MUC7: variants seen among roughly 807,000 people sequenced by gnomAD.
The protein encoded by MUC7 is mucin-7.
Under a neutral mutation model 2.5 loss-of-function variants are expected in MUC7, and 2 were observed. The ratio of observed to expected loss-of-function variants is 0.81; its 90% CI spans 0.33 to 2.55. MUC7 has a LOEUF of 2.55. MUC7 is among the 30% of genes most tolerant of loss of function. The pLI is 0.11. For missense variants in MUC7, 408 were observed against 455.6 expected (o/e 0.90, Z 0.95); for synonymous variants, 133 against 173.4 (o/e 0.77, Z 1.83).
intron 1 of MUC7, among the ~76,000 whole-genome samples, chr4:70,449,745 C>A (rs1316480891): frequency 6.6e-6 from 1 of 152,196 alleles, no homozygotes; most frequent in Non-Finnish European, 1.5e-5. Context: ...TGATAGAATT[C>A]TCTGGATTAC....
At chr4:70,444,593 G>A (rs1216840344) in intron 1 of MUC7, among the ~76,000 whole-genome samples, 3 of 152,146 alleles carry the variant, frequency 2.0e-5, no homozygotes, top group Non-Finnish European at 4.4e-5. Flanking sequence ...AATTGATGAT[G>A]CATCTTTTTT....
At chr4:70,473,958 C>A in intron 1 of MUC7, 49 bp from the exon 2 acceptor site, 1 of 1,322,498 alleles carries the variant, frequency 7.6e-7, no homozygotes, top group Non-Finnish European at 1.1e-6. Context: ...ACGCATTCCT[C>A]TCCCATAATA....
chr4:70,471,771 T>A (rs2109737898), upstream of MUC7, among the ~76,000 whole-genome samples: 1 of 152,340 alleles, frequency 6.6e-6, no homozygotes, highest in Non-Finnish European at 1.5e-5. Flanking sequence ...CCACAGTATT[T>A]TTTTTAAATC....
intron 2 of MUC7, among the ~76,000 whole-genome samples, chr4:70,477,461 C>A (rs75730883): frequency 6.6e-6 from 1 of 152,094 alleles, no homozygotes; most frequent in Non-Finnish European, 1.5e-5. Flanking sequence ...CTAATTCTCT[C>A]CCTTTCTGAC....
upstream of MUC7, among the ~76,000 whole-genome samples, chr4:70,467,335 T>G (rs901542911): frequency 1.3e-5 from 2 of 151,812 alleles, no homozygotes; most frequent in African/African-American, 4.8e-5. Flanking sequence ...CACCCTAACA[T>G]CACAATTAAA....
chr4:70,481,333 G>A lies in MUC7; in HGVS notation c.589G>A (p.Ala197Thr), dbSNP rs144679944. Residue 197 changes from alanine (A) to threonine (T), a missense_variant, in exon 3 of 3, where the codon GCA (alanine) becomes ACA (threonine). By Grantham distance (58) the Ala-to-Thr change is moderately conservative. Around this residue, in one of 3 missense-constraint regions of MUC7, gnomAD observed 225 missense variants for 240.5 expected, o/e 0.94. Transcript: ENST00000304887. ...ETTAAPPTPSATTQAPPSSSA... is the reference protein window; with the variant it reads ...ETTAAPPTPSTTTQAPPSSSA... ...CACAGCTGCCCCACCCACACCTTCTGCAACTACACAAGCTCCACCATCTTC... is the reference window on the plus strand; with the variant it reads ...CACAGCTGCCCCACCCACACCTTCTACAACTACACAAGCTCCACCATCTTC... The A allele has an allele frequency of 9.5e-4, 1,526 of 1,601,178 alleles. 10 individuals are homozygous for A. The highest frequency in any genetic ancestry group is 7.1e-3 in the Middle Eastern group (42 of 5,952).
At chr4:70,459,919 C>T (rs1734514306) in intron 1 of MUC7, among the ~76,000 whole-genome samples, 1 of 152,088 alleles carries the variant, frequency 6.6e-6, no homozygotes, top group African/African-American at 2.4e-5. Flanking sequence ...TGCATTTTAG[C>T]TAATTGACTA....
chr4:70,446,933 T>C (rs574701299), intron 1 of MUC7, among the ~76,000 whole-genome samples: 6 of 152,330 alleles, frequency 3.9e-5, no homozygotes, highest in African/African-American at 1.4e-4. Flanking sequence ...TATATTAATA[T>C]TATTGCATAG....
intron 1 of MUC7, among the ~76,000 whole-genome samples, chr4:70,444,883 T>C (rs908168747): frequency 1.3e-5 from 2 of 152,092 alleles, no homozygotes; most frequent in Admixed American, 1.3e-4. Context: ...GAAACCCAAT[T>C]TGTACTAAAA....
rs147225897 is a variant in MUC7, at chr4:70,436,166, G to C, written c.-93+5479G>C. ...CCTTCATTTCAACCTTGGTGAATCT[G>C]ACAATCATGTGTCTTGGGGTTGCTC... On this transcript the variant is annotated intron_variant, in intron 1 of 3. Transcript: ENST00000413702. 9.2e-4 allele frequency among the ~76,000 whole-genome samples: 140 copies of C among 152,212 alleles called. 1 individual carries two copies. Among genetic ancestry groups the C allele is most frequent in the African/African-American group, 3.1e-3 (130 of 41,540 alleles).
intron 1 of MUC7, among the ~76,000 whole-genome samples, chr4:70,460,264 T>C (rs1229223751): frequency 1.3e-5 from 2 of 152,188 alleles, no homozygotes; most frequent in East Asian, 3.9e-4. Flanking sequence ...GAGGTACCAA[T>C]CAATTATCAA....
At position 70,482,447 on chromosome 4, in the gene MUC7, A is replaced by AG. The variant is rs1286505580; in HGVS notation, c.*570dup. The AG allele has an allele frequency of 6.5e-6, 1 of 152,762 alleles. No individual in the cohort carries two copies. The highest frequency in any genetic ancestry group is 1.5e-5 in the Non-Finnish European group (1 of 68,444). The allele number at this position is 152,762 out of a possible 1,614,324, so 9.5% of individuals were successfully genotyped here. A position where few individuals can be genotyped will look rare whatever the true frequency, so the allele number is the denominator to read the frequency against. On this transcript the variant is annotated 3_prime_UTR_variant, in exon 3 of 3. Coordinates refer to ENST00000304887, the MANE Select transcript of MUC7 (RefSeq NM_152291.3). Reference sequence around the variant, plus strand: ...AATTTTATTTCACAAATATGAGCCAAGAAAGAGGAAAGTTGATTTGAAGTG... The same window carrying AG: ...AATTTTATTTCACAAATATGAGCCAAGGAAAGAGGAAAGTTGATTTGAAGTG...
In MUC7 at chr4:70,480,769, C is replaced by T. The variant is rs1295447479; in HGVS notation, c.55-30C>T. 15 of 1,591,002 alleles carry T rather than the reference C, an allele frequency of 9.4e-6. No individual in the cohort carries two copies. In the Admixed American group the frequency reaches 1.1e-4, roughly 11 times the overall value. On this transcript the variant is annotated intron_variant, in intron 2 of 2. Coordinates refer to ENST00000304887, the MANE Select transcript of MUC7 (RefSeq NM_152291.3). ...CTGATTGATAAATGGATACTTTTTT[C>T]ATTTCTTACATTTTCTTTCTTTTCT...
At chr4:70,448,222 A>T (rs1029873928) in intron 1 of MUC7, among the ~76,000 whole-genome samples, 1 of 152,136 alleles carries the variant, frequency 6.6e-6, no homozygotes, top group Non-Finnish European at 1.5e-5. Context: ...AATTTTGGCT[A>T]TTGTGAATAG....
intron 1 of MUC7, among the ~76,000 whole-genome samples, chr4:70,436,632 G>A (rs766451969): frequency 6.6e-6 from 1 of 152,138 alleles, no homozygotes; most frequent in Non-Finnish European, 1.5e-5. Context: ...TCCTTGCAAT[G>A]GGTTAGAACA....
Position 70,442,077 on chromosome 4 carries a change from C to T in MUC7, c.-93+11390C>T, listed in dbSNP as rs1051174186. On this transcript the variant is annotated intron_variant, in intron 1 of 3. Coordinates refer to the MUC7 transcript ENST00000413702. ...AAAGATACAAAGATATTTAGAAATT[C>T]AAGAAGTTGAGGGAGCTCATTCCTA... 7.2e-5 allele frequency among the ~76,000 whole-genome samples: 11 copies of T among 152,286 alleles called. No homozygotes were observed. The East Asian group carries it at 1.9e-3, about 27-fold the overall frequency.
chr4:70,446,878 T>A (rs980353226), intron 1 of MUC7, among the ~76,000 whole-genome samples: 2 of 152,230 alleles, frequency 1.3e-5, no homozygotes, highest in African/African-American at 4.8e-5. Flanking sequence ...TTCTTTATTA[T>A]AATTAAGAGT....
At chr4:70,442,474 A>G (rs1283518568) in intron 1 of MUC7, among the ~76,000 whole-genome samples, 3 of 152,130 alleles carry the variant, frequency 2.0e-5, no homozygotes, top group African/African-American at 7.2e-5. Context: ...ATGTGAAAAC[A>G]AATGTGTATA....
At chr4:70,451,939 A>T (rs1734291139) in intron 1 of MUC7, among the ~76,000 whole-genome samples, 1 of 151,934 alleles carries the variant, frequency 6.6e-6, no homozygotes, top group African/African-American at 2.4e-5. Flanking sequence ...TTATCTGGGC[A>T]CTCTAGTGTT....
Sources: allele counts gnomAD v4.1 joint callset (sites outside exome capture counted in the v4.1 genomes callset), GRCh38; gene constraint gnomAD v4.1.1; regional missense constraint gnomAD v4.1.1; transcripts MANE v1.5; gene names NCBI Gene and HGNC (gene_info 2026-07-23, HGNC 2026-07-21).